SERPINE3: variants seen among roughly 807,000 people sequenced by gnomAD.
SERPINE3 encodes serpin E3.
A neutral mutation model predicts 41.7 loss-of-function variants in SERPINE3; 43 were observed. That is an observed-to-expected ratio of 1.03 (90% CI 0.81 to 1.33). SERPINE3 has a LOEUF of 1.33. Ranked by LOEUF, SERPINE3 falls within the 40% of genes most tolerant of loss-of-function variation. The pLI is 0.00. For synonymous variants in SERPINE3, 200 were observed against 192.2 expected, an observed-to-expected ratio of 1.04 and a Z score of -0.34; for missense variants, 440 against 491.7, an observed-to-expected ratio of 0.89 and a Z score of 0.99.
At chr13:51,340,570 T>C (rs1955279567) in intron 1 of SERPINE3, among the ~76,000 whole-genome samples, 1 of 152,184 alleles carries the variant, frequency 6.6e-6, no homozygotes, top group African/African-American at 2.4e-5. Context: ...AATCATCCTC[T>C]TTATAGATGA....
chr13:51,364,551 G>A lies in SERPINE3; in HGVS notation c.*269G>A. On this transcript the variant is annotated 3_prime_UTR_variant, in exon 10 of 10. Coordinates refer to ENST00000681248, the MANE Select transcript of SERPINE3 (RefSeq NM_001386375.1). ...AGCAGTGATCATGAATGGTGAGTGA[G>A]TCAGGCCATAAGATTGCTTCCTCAG... 3.1e-6 allele frequency: 1 copy of A among 326,554 alleles called. No homozygotes were observed. The allele number at this position is 326,554 out of a possible 1,614,324, so 20.2% of individuals were successfully genotyped here. A position where few individuals can be genotyped will look rare whatever the true frequency, so the allele number is the denominator to read the frequency against.
intron 6 of SERPINE3, chr13:51,348,737 G>T: frequency 3.5e-6 from 1 of 288,654 alleles, no homozygotes; most frequent in Non-Finnish European, 6.5e-6. Flanking sequence ...TTTTGGAAAG[G>T]AAATGCTCGT....
In SERPINE3 at chr13:51,364,307, T is replaced by G. The variant is rs532147131; in HGVS notation, c.*25T>G. On this transcript the variant is annotated 3_prime_UTR_variant, in exon 10 of 10. Coordinates refer to ENST00000681248, the MANE Select transcript of SERPINE3 (RefSeq NM_001386375.1). ...AATGCATGTTCTCCACTTTCATCAA[T>G]GCTTTTCTTCATAAAGTTATAATTT... 2.2e-6 allele frequency: 3 copies of G among 1,350,922 alleles called. No individual in the cohort carries two copies. The highest frequency in any genetic ancestry group is 3.0e-6 in the Non-Finnish European group (3 of 993,510). The allele number at this position is 1,350,922 out of a possible 1,614,324, so 83.7% of individuals were successfully genotyped here.
At chr13:51,346,253 G>T (rs867783601) in intron 4 of SERPINE3, among the ~76,000 whole-genome samples, 46 of 152,248 alleles carry the variant, frequency 3.0e-4, no homozygotes, top group Admixed American at 8.5e-4. Flanking sequence ...GCCCTACAAA[G>T]ACCATACCTT....
In SERPINE3 at chr13:51,344,237, A is replaced by C. The variant is rs1271681386; in HGVS notation, c.257-15A>C. 4 of 1,605,518 alleles carry C rather than the reference A, an allele frequency of 2.5e-6. No individual in the cohort carries two copies. The South Asian group carries it at 3.3e-5, about 13-fold the overall frequency. ...CACTCACCATTGTCAACTTATCCCA[A>C]CTTGTTTTTCACAGACAAAAGGGTG... On this transcript the variant is annotated splice_polypyrimidine_tract_variant and intron_variant, in intron 3 of 9. Coordinates refer to ENST00000681248, the MANE Select transcript of SERPINE3 (RefSeq NM_001386375.1).
intron 6 of SERPINE3, among the ~76,000 whole-genome samples, chr13:51,353,678 T>C (rs1274139459): frequency 1.3e-5 from 2 of 152,240 alleles, no homozygotes; most frequent in East Asian, 3.8e-4. Flanking sequence ...AGAAAGTATA[T>C]TTCTTTTTTG....
intron 1 of SERPINE3, among the ~76,000 whole-genome samples, chr13:51,339,963 A>C (rs1179249218): frequency 6.6e-6 from 1 of 152,214 alleles, no homozygotes; most frequent in East Asian, 1.9e-4. Flanking sequence ...CTATGTACCA[A>C]GGTCATCCAA....
intron 6 of SERPINE3, among the ~76,000 whole-genome samples, chr13:51,350,159 G>GGTA (rs1455719969): frequency 6.6e-6 from 1 of 152,082 alleles, no homozygotes; most frequent in Non-Finnish European, 1.5e-5. Context: ...GCACACTGTG[G>GGTA]GTAGCAATGC....
In SERPINE3 at chr13:51,341,061, C is replaced by T. The variant is rs778773499; in HGVS notation, c.-17-14C>T. The T allele has an allele frequency of 3.7e-6, 6 of 1,606,980 alleles. No homozygotes were observed. The highest frequency in any genetic ancestry group is 5.1e-6 in the Non-Finnish European group (6 of 1,175,900). ...CTTCCAGCCTACCCTGCATCTCTTC[C>T]CTCTGAATTGCAGGAACCCTCCCAG... On this transcript the variant is annotated splice_polypyrimidine_tract_variant and intron_variant, in intron 2 of 9. Transcript: ENST00000681248.
At chr13:51,361,406 T>C (rs1253595951) in intron 8 of SERPINE3, 42 bp downstream of exon 8, 1 of 1,240,006 alleles carries the variant, frequency 8.1e-7, no homozygotes, top group East Asian at 2.4e-5. Context: ...TACCCATATC[T>C]ACCTTTCTGA....
rs1955272466 is a variant in SERPINE3 at position 51,339,758 on chromosome 13, C to T, written c.-96+15C>T. ...TACAAAAGTCTGTGAGTACGTGGCT[C>T]ATTCGAGGTGAGCCATGACAGGGAT... On this transcript the variant is annotated intron_variant, in intron 1 of 9. Transcript: ENST00000681248. 1 of 152,214 alleles carries T rather than the reference C, an allele frequency of 6.6e-6. No individual in the cohort carries two copies. Among genetic ancestry groups the T allele is most frequent in the African/African-American group, 2.4e-5 (1 of 41,458 alleles). 9.4% of individuals were successfully genotyped at this position (152,214 alleles called of 1,614,324 possible).
In SERPINE3 at chr13:51,347,222, G is replaced by A. The variant is rs116923084; in HGVS notation, c.688G>A (p.Glu230Lys). The stretch of plus-strand genomic sequence containing the variant: ...GGTCCCCATGATGCACCAAACGACC[G>A]AGGTCAACTACGGTGAGCTCTGCCC... Reference protein sequence around the residue: ...LQVPMMHQTTEVNYGQFQDTA... With the variant: ...LQVPMMHQTTKVNYGQFQDTA... Residue 230 changes from glutamate (E) to lysine (K), a missense_variant, in exon 5 of 10, where the codon GAG becomes AAG. By Grantham distance (56) the Glu-to-Lys change is moderately conservative. Transcript: ENST00000681248. 14 of 1,613,622 alleles carry A rather than the reference G, an allele frequency of 8.7e-6. No individual in the cohort carries two copies. The highest frequency in any genetic ancestry group is 1.6e-4 in the Middle Eastern group (1 of 6,062).
intron 7 of SERPINE3, among the ~76,000 whole-genome samples, chr13:51,357,326 C>T (rs1593647023): frequency 6.6e-6 from 1 of 152,176 alleles, no homozygotes; most frequent in African/African-American, 2.4e-5. Context: ...GGGGTAACTA[C>T]CACTCACCAC....
chr13:51,344,902 G>C (rs1955331054), intron 4 of SERPINE3, among the ~76,000 whole-genome samples: 1 of 152,174 alleles, frequency 6.6e-6, no homozygotes, highest in Admixed American at 6.5e-5. Context: ...TGGGAATTTA[G>C]GTTAAGGAAA....
intron 6 of SERPINE3, 53 bp downstream of exon 6, chr13:51,348,464 C>G: frequency 6.6e-7 from 1 of 1,504,232 alleles, no homozygotes; most frequent in Non-Finnish European, 9.1e-7. Context: ...GTCAGAAGAG[C>G]GTGGATTTGC....
chr13:51,343,393 C>A (rs1955313875), intron 3 of SERPINE3, among the ~76,000 whole-genome samples: 1 of 152,158 alleles, frequency 6.6e-6, no homozygotes, highest in Non-Finnish European at 1.5e-5. Context: ...GGCAAGAGCC[C>A]TCGTTCCAGC....
chr13:51,361,513 C>CA (rs71785351), intron 8 of SERPINE3, 149 bp downstream of exon 8: 3 of 625,328 alleles, frequency 4.8e-6, no homozygotes, highest in Non-Finnish European at 8.3e-6. Flanking sequence ...CTAAAGAAAA[C>CA]AAAAAGTTTT....
intron 7 of SERPINE3, among the ~76,000 whole-genome samples, 175 bp downstream of exon 7, chr13:51,355,318 G>C (rs531113336): frequency 1.3e-5 from 2 of 152,242 alleles, no homozygotes; most frequent in South Asian, 4.2e-4. Context: ...GTTAGATCTT[G>C]TGAGGAAGGG....
At position 51,361,629 on chromosome 13, in the gene SERPINE3, G is replaced by A. The variant is rs536221983; in HGVS notation, c.1088-181G>A. The A allele has an allele frequency of 4.9e-6, 3 of 608,020 alleles. No individual in the cohort carries two copies. In the Admixed American group the frequency reaches 9.7e-5, roughly 20 times the overall value. The allele number at this position is 608,020 out of a possible 1,614,324, so 37.7% of individuals were successfully genotyped here. On this transcript the variant is annotated intron_variant, in intron 8 of 9. Transcript: ENST00000681248. ...GGAATGTGTTGAAAACAGGAGACAG[G>A]ATTGGCTAAATGGCATCTTTTCTCT...
Sources: gnomAD v4.1 joint callset for allele counts (sites outside exome capture counted in the v4.1 genomes callset) on GRCh38, gnomAD v4.1.1 for gene constraint, MANE v1.5 for transcripts, NCBI Gene and HGNC (gene_info 2026-07-23, HGNC 2026-07-21) for gene names.